The following PCDHA6 variants were observed in gnomAD, a reference collection of about 807,000 sequenced individuals.
PCDHA6 encodes the protein protocadherin alpha-6.
PCDHA6 carries 55 observed loss-of-function variants against 60.3 expected under a neutral mutation model. That is an observed-to-expected ratio of 0.91 (90% CI 0.73 to 1.14). The LOEUF (loss-of-function observed/expected upper bound fraction) is 1.14. Among genes scored for constraint, PCDHA6 ranks in the 50% most tolerant of loss-of-function variants. The pLI is 0.00. For synonymous variants in PCDHA6, 652 were observed against 557.9 expected (o/e 1.17, Z -2.38); for missense variants, 1,327 against 1,256.5 (o/e 1.06, Z -0.85).
At chr5:140,846,064 C>T (rs2150218418) in intron 1 of PCDHA6, among the ~76,000 whole-genome samples, 1 of 149,696 alleles carries the variant, frequency 6.7e-6, no homozygotes, top group East Asian at 1.9e-4. Flanking sequence ...TGTGGGAAAA[C>T]AGTTTTTTGG....
At position 140,876,284 on chromosome 5, in the gene PCDHA6, A is replaced by C. The variant is rs781831935; in HGVS notation, c.2394+45799A>C. 1.7e-5 allele frequency: 27 copies of C among 1,613,954 alleles called. No homozygotes were observed. The highest frequency in any genetic ancestry group is 2.3e-5 in the Non-Finnish European group (27 of 1,179,908). ...CAACTAAATGCTTCCGATCCAGACG[A>C]AGGACTTAATGGAGAAATTTCCTAT... On this transcript the variant is annotated intron_variant, in intron 1 of 3. Transcript: ENST00000529310.
At chr5:140,914,263 G>T (rs950921953) in intron 1 of PCDHA6, among the ~76,000 whole-genome samples, 2 of 151,932 alleles carry the variant, frequency 1.3e-5, no homozygotes, top group South Asian at 2.1e-4. Flanking sequence ...TTCAATGGTG[G>T]GTGCATATAT....
At chr5:140,943,349 T>C (rs1429038452) in intron 1 of PCDHA6, among the ~76,000 whole-genome samples, 1 of 147,572 alleles carries the variant, frequency 6.8e-6, no homozygotes, top group East Asian at 2.0e-4. Flanking sequence ...AGGATGAGAG[T>C]AGAGGAAAGG....
At chr5:140,846,565 G>A (rs1349132740) in intron 1 of PCDHA6, among the ~76,000 whole-genome samples, 1 of 147,896 alleles carries the variant, frequency 6.8e-6, no homozygotes, top group African/African-American at 2.5e-5. Flanking sequence ...TAGTAGAGTC[G>A]GGGTTTCACC....
intron 1 of PCDHA6, among the ~76,000 whole-genome samples, chr5:140,945,222 A>T (rs1019202574): frequency 4.6e-5 from 7 of 152,260 alleles, no homozygotes; most frequent in Middle Eastern, 6.8e-3. Context: ...AAATAAAAAT[A>T]CTTAGGAATA....
Position 141,010,268 on chromosome 5 carries a change from A to T in PCDHA6, c.*331A>T. 1 of 1,551,622 alleles carries T rather than the reference A, an allele frequency of 6.4e-7. No homozygotes were observed. Among genetic ancestry groups the T allele is most frequent in the Non-Finnish European group, 8.7e-7 (1 of 1,146,964 alleles). On this transcript the variant is annotated 3_prime_UTR_variant, in exon 4 of 4. Coordinates refer to ENST00000529310, the MANE Select transcript of PCDHA6 (RefSeq NM_018909.4). ...GGACTCTCTGCCCTGTGCTCCGGGG[A>T]TCCTGTCTTGATGACACTTGCAGGG...
chr5:140,911,455 C>G (rs1266220741), intron 1 of PCDHA6, among the ~76,000 whole-genome samples: 3 of 152,132 alleles, frequency 2.0e-5, no homozygotes, highest in African/African-American at 7.2e-5. Flanking sequence ...AGCTCTTTCT[C>G]TACAGGAGAT....
chr5:140,828,406 C>T lies in PCDHA6; in HGVS notation c.315C>T (p.His105=), dbSNP rs1426756496. The change falls in exon 1 of 4, where the codon CAC becomes CAT. Residue 105 remains histidine (H), a synonymous_variant. Coordinates refer to ENST00000529310, the MANE Select transcript of PCDHA6 (RefSeq NM_018909.4). ...LCGRSAECSI[H]LEVIVDRPLQ... ...GGCGGAGCGCGGAGTGCAGCATCCA[C>T]CTGGAGGTGATCGTGGACAGGCCGC... The T allele has an allele frequency of 3.1e-6, 5 of 1,614,244 alleles. No individual in the cohort carries two copies. In the Admixed American group the frequency reaches 5.0e-5, roughly 16 times the overall value.
At chr5:141,003,609 G>A (rs2098131688) in intron 3 of PCDHA6, among the ~76,000 whole-genome samples, 1 of 151,970 alleles carries the variant, frequency 6.6e-6, no homozygotes, top group Non-Finnish European at 1.5e-5. Context: ...CACCATTCCC[G>A]GCCCCAGAGG....
chr5:140,836,751 T>C (rs2150269188), intron 1 of PCDHA6: 5 of 1,580,282 alleles, frequency 3.2e-6, no homozygotes, highest in Middle Eastern at 1.7e-4. Flanking sequence ...GAGTCATAAA[T>C]AATCTTGTTT....
intron 1 of PCDHA6, chr5:140,882,846 C>T (rs1554175786): frequency 2.5e-6 from 4 of 1,614,188 alleles, no homozygotes; most frequent in Non-Finnish European, 3.4e-6. Context: ...TCTTCATTAT[C>T]ACTTGTACTG....
At chr5:140,849,357 G>A in intron 1 of PCDHA6, 1 of 1,458,086 alleles carries the variant, frequency 6.9e-7, no homozygotes, top group Non-Finnish European at 9.4e-7. Flanking sequence ...TGTTTCTCCA[G>A]ATATAAAATC....
At chr5:140,864,520 C>T (rs1354044181) in intron 1 of PCDHA6, 1 of 152,154 alleles carries the variant, frequency 6.6e-6, no homozygotes, top group Admixed American at 6.5e-5. Context: ...GGTGATTTTA[C>T]TTCTTAATTT....
At chr5:140,875,828 T>G (rs1259125673) in intron 1 of PCDHA6, 10 of 1,614,196 alleles carry the variant, frequency 6.2e-6, no homozygotes, top group Middle Eastern at 1.6e-4. Context: ...GTTTTCCATG[T>G]GGACGTGGAG....
intron 2 of PCDHA6, 155 bp downstream of exon 2, chr5:140,979,162 T>C: frequency 2.1e-6 from 2 of 975,444 alleles, no homozygotes; most frequent in Non-Finnish European, 2.4e-6. Context: ...TGTTTATTCC[T>C]TGAAAGATCG....
At chr5:140,869,532 G>A (rs917843661) in intron 1 of PCDHA6, 3 of 1,614,130 alleles carry the variant, frequency 1.9e-6, no homozygotes, top group Non-Finnish European at 1.7e-6. Flanking sequence ...TGCTGATTGC[G>A]GAATCTAAGC....
chr5:140,966,454 C>A (rs897696652), intron 1 of PCDHA6: 2 of 426,524 alleles, frequency 4.7e-6, no homozygotes, highest in Non-Finnish European at 8.1e-6. Flanking sequence ...TCCCCCTCCC[C>A]CTCTGTCTTC....
In PCDHA6 at chr5:140,926,779, C is replaced by T. The variant is rs1262086128; in HGVS notation, c.2395-52170C>T. 8 of 1,398,696 alleles carry T rather than the reference C, an allele frequency of 5.7e-6. No individual in the cohort carries two copies. In the South Asian group the frequency reaches 1.2e-4, roughly 21 times the overall value. 86.6% of individuals were successfully genotyped at this position (1,398,696 alleles called of 1,614,324 possible). A position where few individuals can be genotyped will look rare whatever the true frequency, so the allele number is the denominator to read the frequency against. On this transcript the variant is annotated intron_variant, in intron 1 of 3. Transcript: ENST00000529310. ...CTGAGTATCCAGCCCGCAGCAGTGACGGCCGGCAGGAGCGTGCTCTTCCCC... is the reference window on the plus strand; with the variant it reads ...CTGAGTATCCAGCCCGCAGCAGTGATGGCCGGCAGGAGCGTGCTCTTCCCC...
intron 1 of PCDHA6, chr5:140,877,580 C>T (rs559831598): frequency 2.5e-6 from 4 of 1,613,804 alleles, no homozygotes; most frequent in African/African-American, 1.3e-5. Context: ...CTCATCATCG[C>T]CATCTGTGCG....
Sources: allele counts gnomAD v4.1 joint callset (sites outside exome capture counted in the v4.1 genomes callset), GRCh38; gene constraint gnomAD v4.1.1; transcripts MANE v1.5; gene names NCBI Gene and HGNC (gene_info 2026-07-23, HGNC 2026-07-21).